KMT2C: variants seen among roughly 807,000 people sequenced by gnomAD.
KMT2C encodes lysine methyltransferase 2C, also known as histone-lysine N-methyltransferase 2C.
KMT2C carries 88 observed loss-of-function variants against 507.9 expected under a neutral mutation model. The observed-to-expected ratio is 0.17, with a 90% CI of 0.15 to 0.21. KMT2C has a LOEUF of 0.21. Among genes scored for constraint, KMT2C ranks in the 10% least tolerant of loss-of-function variants. The pLI is 1.00. For synonymous variants in KMT2C, 2,049 were observed against 2,080.8 expected (o/e 0.98, Z 0.42); for missense variants, 4,954 against 5,957.8 (o/e 0.83, Z 5.55).
At chr7:152,294,847 T>G (rs1312389777) in intron 6 of KMT2C, among the ~76,000 whole-genome samples, 1 of 152,168 alleles carries the variant, frequency 6.6e-6, no homozygotes, top group Non-Finnish European at 1.5e-5. Context: ...AACATCCACC[T>G]TTTCACTGGT....
At chr7:152,313,012 A>G (rs942203636) in intron 4 of KMT2C, among the ~76,000 whole-genome samples, 6 of 152,214 alleles carry the variant, frequency 3.9e-5, no homozygotes, top group African/African-American at 1.4e-4. Context: ...ACATATTTCA[A>G]TAAGTACATT....
At chr7:152,244,246 C>A (rs954249051) in intron 14 of KMT2C, among the ~76,000 whole-genome samples, 21 of 152,138 alleles carry the variant, frequency 1.4e-4, no homozygotes, top group African/African-American at 5.1e-4. Flanking sequence ...TAAAGATGAT[C>A]CTAGAAGTGC....
chr7:152,374,831 C>T (rs970075486), intron 1 of KMT2C, among the ~76,000 whole-genome samples: 1 of 148,618 alleles, frequency 6.7e-6, no homozygotes, highest in Non-Finnish European at 1.5e-5. Context: ...TGCAGTGAGC[C>T]GAGATCGCAG....
At chr7:152,401,373 T>C (rs2097572234) in intron 1 of KMT2C, among the ~76,000 whole-genome samples, 1 of 147,424 alleles carries the variant, frequency 6.8e-6, no homozygotes. Flanking sequence ...AGCCACCACG[T>C]CCAGCCCATT....
intron 16 of KMT2C, among the ~76,000 whole-genome samples, chr7:152,231,801 G>A (rs371020756): frequency 1.4e-5 from 2 of 142,354 alleles, no homozygotes; most frequent in African/African-American, 5.2e-5. Flanking sequence ...AAGAAGGAAG[G>A]AAGTTTGGTT....
At chr7:152,155,854 A>G in intron 46 of KMT2C, 56 bp downstream of exon 46, 1 of 1,510,930 alleles carries the variant, frequency 6.6e-7, no homozygotes, top group Non-Finnish European at 8.9e-7. Flanking sequence ...ACATACATTT[A>G]TTTTTTTTAA....
chr7:152,353,790 C>A (rs552023801), intron 2 of KMT2C, among the ~76,000 whole-genome samples: 2 of 152,184 alleles, frequency 1.3e-5, no homozygotes, highest in Non-Finnish European at 1.5e-5. Context: ...TGAGCCACCA[C>A]GCCCAGCGTA....
chr7:152,334,956 A>G (rs2096920547), intron 2 of KMT2C, among the ~76,000 whole-genome samples: 1 of 152,206 alleles, frequency 6.6e-6, no homozygotes, highest in African/African-American at 2.4e-5. Context: ...AACTGGTATT[A>G]AAGAGTGAAG....
intron 6 of KMT2C, among the ~76,000 whole-genome samples, chr7:152,297,311 G>T (rs1012531006): frequency 6.6e-6 from 1 of 152,120 alleles, no homozygotes; most frequent in African/African-American, 2.4e-5. Context: ...TTAAGAGCCA[G>T]GAGAGAAAAA....
intron 1 of KMT2C, among the ~76,000 whole-genome samples, chr7:152,408,630 G>A (rs1435407418): frequency 2.0e-5 from 3 of 152,066 alleles, no homozygotes; most frequent in Non-Finnish European, 4.4e-5. Context: ...GACCTAGGCT[G>A]CATGCTTCTT....
rs1486949730 is a variant in KMT2C, at chr7:152,139,178, T to C, written c.14534+8A>G. The C allele has an allele frequency of 5.0e-6, 8 of 1,613,784 alleles. No homozygotes were observed. The highest frequency in any genetic ancestry group is 1.7e-5 in the Admixed American group (1 of 60,008). On this transcript the variant is annotated splice_region_variant and intron_variant, in intron 57 of 58. Transcript: ENST00000262189. The stretch of plus-strand genomic sequence containing the variant: ...AAGCACTCCCCGTCAGGTTCCTCGC[T>C]GTCTCACCTTGCGGGCCCTCCTGTG...
In KMT2C at chr7:152,162,204, A is replaced by T. The variant is rs2092492244; in HGVS notation, c.11373T>A (p.Asn3791Lys). The T allele has an allele frequency of 6.2e-7, 1 of 1,613,584 alleles. No homozygotes were observed. Among genetic ancestry groups the T allele is most frequent in the Non-Finnish European group, 8.5e-7 (1 of 1,179,908 alleles). ...LKNKKSSSLL[N>K]QKPEGSICSE... is the part of the protein sequence containing the mutation. ...AACAAATACTGCCCTCAGGTTTTTG[A>T]TTCAAAAGAGAAGATGACTTTTTAT... Residue 3791 changes from asparagine (N) to lysine (K), a missense_variant, in exon 43 of 59, where the codon AAT (asparagine) becomes AAA (lysine). Physicochemically the swap from Asn to Lys is moderately conservative, Grantham distance 94 (BLOSUM62 0). This residue lies in a region of KMT2C where 801 missense variants were observed against 751.2 expected (regional missense o/e 1.07). Transcript: ENST00000262189.
intron 6 of KMT2C, among the ~76,000 whole-genome samples, chr7:152,274,528 A>G (rs1455341028): frequency 3.3e-5 from 5 of 152,234 alleles, no homozygotes; most frequent in African/African-American, 1.2e-4. Context: ...AGCCCCAAAC[A>G]AGAGGGGCAG....
chr7:152,159,127 T>C (rs1272051183), intron 43 of KMT2C, 55 bp from the exon 44 acceptor site: 116 of 1,506,472 alleles, frequency 7.7e-5, no homozygotes, highest in Admixed American at 1.0e-4. Flanking sequence ...ATTTGGTTTT[T>C]AGTTCATGCA....
rs116129992 is a variant in KMT2C at position 152,159,762 on chromosome 7, C to T, written c.11461-690G>A. 1.9e-3 allele frequency among the ~76,000 whole-genome samples: 285 copies of T among 152,268 alleles called. 4 individuals are homozygous for T. The highest frequency in any genetic ancestry group is 6.7e-3 in the African/African-American group (277 of 41,536). On this transcript the variant is annotated intron_variant, in intron 43 of 58. Coordinates refer to ENST00000262189, the MANE Select transcript of KMT2C (RefSeq NM_170606.3). ...CCCTGAAAAGGCCTTTAAGGGTAGT[C>T]CTATCAGTACCTTAAAACACAGGAA... is the stretch of plus-strand genomic sequence containing the variant.
At chr7:152,332,796 C>T (rs1008686181) in intron 2 of KMT2C, among the ~76,000 whole-genome samples, 1 of 150,654 alleles carries the variant, frequency 6.6e-6, no homozygotes, top group African/African-American at 2.4e-5. Flanking sequence ...TGCAGTGAGC[C>T]GAGATCATGC....
rs1309213611 is a variant in KMT2C, at chr7:152,296,445, A to AAAAG, written c.849+13520_849+13521insCTTT. On this transcript the variant is annotated intron_variant, in intron 6 of 58. Transcript: ENST00000262189. ...GAAACTCCATCTCAAAAAAAAAAAA[A>AAAAG]AGAGAGAGAGAGAGAGAGAGAAATA... Among the ~76,000 whole-genome samples, 178 of 149,566 alleles carry AAAAG rather than the reference A, an allele frequency of 1.2e-3. 1 individual carries two copies. The highest frequency in any genetic ancestry group is 4.2e-3 in the African/African-American group (168 of 40,024).
Position 152,187,345 on chromosome 7 carries a change from T to G in KMT2C, c.4925A>C (p.Glu1642Ala). The G allele has an allele frequency of 6.2e-7, 1 of 1,614,172 alleles. No individual in the cohort carries two copies. The highest frequency in any genetic ancestry group is 8.5e-7 in the Non-Finnish European group (1 of 1,180,010). ...AQRSTLKWEK[E>A]EALGEMATVA... ...AGTTGCCATTTCACCCAGAGCCTCC[T>G]CTTTCTCCCACTTAAGCGTGCTTCT... Residue 1642 changes from glutamate to alanine, a missense_variant, in exon 33 of 59, where the codon GAG becomes GCG. Coordinates refer to ENST00000262189, the MANE Select transcript of KMT2C (RefSeq NM_170606.3).
chr7:152,252,528 G>C lies in KMT2C; in HGVS notation c.1469+18C>G. 6.3e-7 allele frequency: 1 copy of C among 1,598,634 alleles called. No individual in the cohort carries two copies. Among genetic ancestry groups the C allele is most frequent in the South Asian group, 1.1e-5 (1 of 90,434 alleles). On this transcript the variant is annotated intron_variant, in intron 10 of 58. Coordinates refer to ENST00000262189, the MANE Select transcript of KMT2C (RefSeq NM_170606.3). ...AAACAATCGACAAAACAACTGAATA[G>C]AATAACTATCTTCTTACCTTTTGCA...
Sources: allele counts gnomAD v4.1 joint callset (sites outside exome capture counted in the v4.1 genomes callset), GRCh38; gene constraint gnomAD v4.1.1; regional missense constraint gnomAD v4.1.1; transcripts MANE v1.5; gene names NCBI Gene and HGNC (gene_info 2026-07-23, HGNC 2026-07-21).